The following DOK5 variants were observed in gnomAD, a reference collection of about 807,000 sequenced individuals.
The protein encoded by DOK5 is downstream of tyrosine kinase 5.
Under a neutral mutation model 43.3 loss-of-function variants are expected in DOK5, and 27 were observed. The observed-to-expected ratio is 0.62, with a 90% CI of 0.46 to 0.86. DOK5 has a LOEUF of 0.86. DOK5 is among the 40% of genes least tolerant of loss of function. The pLI, the probability that DOK5 is intolerant of heterozygous loss-of-function variation, is 0.00. For synonymous variants in DOK5, 146 were observed against 140.1 expected (o/e 1.04, Z -0.30); for missense variants, 373 against 392.9 (o/e 0.95, Z 0.43).
intron 1 of DOK5, among the ~76,000 whole-genome samples, chr20:54,501,466 CAAAAAAAAAAAAAAAAAA>C (rs76224592): frequency 5.1e-5 from 1 of 19,462 alleles, no homozygotes; most frequent in East Asian, 1.7e-3. Flanking sequence ...GACTCACTCT[CAAAAAAAAAAAAAAAAAA>C]AAAAAAAAGA....
At chr20:54,588,926 T>A in intron 4 of DOK5, 120 bp downstream of exon 4, 1 of 1,041,134 alleles carries the variant, frequency 9.6e-7, no homozygotes, top group Non-Finnish European at 1.4e-6. Context: ...AAGAAATAAG[T>A]AATCTTTTAT....
intron 1 of DOK5, among the ~76,000 whole-genome samples, chr20:54,508,087 A>C (rs535855505): frequency 1.3e-5 from 2 of 152,142 alleles, no homozygotes; most frequent in Non-Finnish European, 2.9e-5. Flanking sequence ...TGTCCTAAAG[A>C]GGACTTACCC....
intron 1 of DOK5, among the ~76,000 whole-genome samples, chr20:54,518,694 C>G (rs527940966): frequency 4.6e-5 from 7 of 152,238 alleles, no homozygotes; most frequent in South Asian, 2.1e-4. Context: ...CCTGAGGAAT[C>G]GCCACACTGA....
At chr20:54,597,239 C>T (rs1986169583) in intron 5 of DOK5, among the ~76,000 whole-genome samples, 1 of 152,196 alleles carries the variant, frequency 6.6e-6, no homozygotes, top group Non-Finnish European at 1.5e-5. Flanking sequence ...TGGTTCTTAG[C>T]TAGAGGTGAT....
At chr20:54,571,238 A>C (rs1346304785) in intron 2 of DOK5, among the ~76,000 whole-genome samples, 1 of 152,098 alleles carries the variant, frequency 6.6e-6, no homozygotes, top group Non-Finnish European at 1.5e-5. Context: ...CTTTATTCTT[A>C]CCTAGGTGAA....
intron 6 of DOK5, among the ~76,000 whole-genome samples, chr20:54,614,778 T>C (rs1301018993): frequency 6.6e-6 from 1 of 152,206 alleles, no homozygotes; most frequent in Non-Finnish European, 1.5e-5. Flanking sequence ...AACATGGATC[T>C]GAATCTTAAG....
At chr20:54,517,892 C>CT (rs1483927004) in intron 1 of DOK5, among the ~76,000 whole-genome samples, 1 of 152,182 alleles carries the variant, frequency 6.6e-6, no homozygotes, top group East Asian at 1.9e-4. Flanking sequence ...AGATGCTGAA[C>CT]TTGCCAGTGC....
At chr20:54,605,461 G>A (rs1003658430) in intron 5 of DOK5, among the ~76,000 whole-genome samples, 1 of 152,188 alleles carries the variant, frequency 6.6e-6, no homozygotes, top group Admixed American at 6.5e-5. Context: ...TCTGTCCACT[G>A]GGGGCTCAGC....
At chr20:54,550,699 CCAAGTTGTTG>C (rs1408896599) in intron 1 of DOK5, among the ~76,000 whole-genome samples, 2 of 151,844 alleles carry the variant, frequency 1.3e-5, no homozygotes, top group Non-Finnish European at 2.9e-5. Flanking sequence ...AGAGATTTAT[CCAAGTTGTTG>C]CAGATATTAA....
At chr20:54,598,699 A>G (rs570167040) in intron 5 of DOK5, among the ~76,000 whole-genome samples, 33 of 152,324 alleles carry the variant, frequency 2.2e-4, no homozygotes, top group African/African-American at 7.5e-4. Context: ...AGCTGGAGAG[A>G]GTCTCTCTTG....
chr20:54,572,110 T>A (rs1039306648), intron 2 of DOK5, among the ~76,000 whole-genome samples: 1 of 152,180 alleles, frequency 6.6e-6, no homozygotes, highest in Admixed American at 6.5e-5. Context: ...TGAATTACTG[T>A]CTCAGTTATT....
chr20:54,546,617 A>G (rs977809142), intron 1 of DOK5, among the ~76,000 whole-genome samples: 2 of 149,484 alleles, frequency 1.3e-5, no homozygotes, highest in Non-Finnish European at 3.0e-5. Context: ...TCTCATTGAT[A>G]TATATCTTTA....
intron 1 of DOK5, among the ~76,000 whole-genome samples, chr20:54,515,893 G>A (rs751675881): frequency 1.3e-5 from 2 of 152,290 alleles, no homozygotes; most frequent in African/African-American, 2.4e-5. Flanking sequence ...AATGTTCAAC[G>A]TATGCTTTTA....
chr20:54,605,405 C>G (rs1477321426), intron 5 of DOK5, among the ~76,000 whole-genome samples: 1 of 152,216 alleles, frequency 6.6e-6, no homozygotes, highest in South Asian at 2.1e-4. Context: ...GGTCTTGAAT[C>G]TTCACAGTAC....
intron 6 of DOK5, among the ~76,000 whole-genome samples, chr20:54,635,566 A>G (rs1978785598): frequency 6.6e-6 from 1 of 152,182 alleles, no homozygotes; most frequent in Non-Finnish European, 1.5e-5. Context: ...GAATCTACCT[A>G]TGACCTGGAA....
At chr20:54,604,281 G>T (rs1023959889) in intron 5 of DOK5, among the ~76,000 whole-genome samples, 2 of 151,010 alleles carry the variant, frequency 1.3e-5, no homozygotes, top group African/African-American at 4.9e-5. Context: ...CACTTTCACA[G>T]ACAAAAGTAA....
chr20:54,625,343 C>T (rs1214897052), intron 6 of DOK5, among the ~76,000 whole-genome samples: 2 of 152,184 alleles, frequency 1.3e-5, no homozygotes, highest in Non-Finnish European at 2.9e-5. Context: ...GTTCTAATCT[C>T]CTGTTTTTCC....
chr20:54,510,515 T>A (rs566096543), intron 1 of DOK5, among the ~76,000 whole-genome samples: 2 of 152,288 alleles, frequency 1.3e-5, no homozygotes, highest in Non-Finnish European at 2.9e-5. Context: ...CTCAGAAAAT[T>A]ACTTTACATA....
At chr20:54,580,890 A>G (rs920209999) in intron 2 of DOK5, among the ~76,000 whole-genome samples, 1 of 151,842 alleles carries the variant, frequency 6.6e-6, no homozygotes, top group African/African-American at 2.4e-5. Flanking sequence ...ATGTAGTCCT[A>G]CTTGTCTATT....
Sources: gnomAD v4.1 joint callset for allele counts (sites outside exome capture counted in the v4.1 genomes callset) on GRCh38, gnomAD v4.1.1 for gene constraint, MANE v1.5 for transcripts, NCBI Gene and HGNC (gene_info 2026-07-23, HGNC 2026-07-21) for gene names.